MSRB3: variants seen among roughly 807,000 people sequenced by gnomAD.
MSRB3 encodes the protein methionine-R-sulfoxide reductase B3.
Under a neutral mutation model 21.0 loss-of-function variants are expected in MSRB3, and 13 were observed. That is an observed-to-expected ratio of 0.62 (90% CI 0.40 to 0.98). The LOEUF (loss-of-function observed/expected upper bound fraction) is 0.98, where lower values mean the gene tolerates loss of function less well. MSRB3 is among the 50% of genes least tolerant of loss of function. MSRB3 has a pLI of 0.00. For synonymous variants in MSRB3, 87 were observed against 88.6 expected (o/e 0.98, Z 0.10); for missense variants, 199 against 230.3 (o/e 0.86, Z 0.88).
intron 2 of MSRB3, among the ~76,000 whole-genome samples, chr12:65,311,420 CATATTTT>C (rs1470198795): frequency 2.6e-5 from 4 of 152,088 alleles, no homozygotes; most frequent in African/African-American, 7.2e-5. Context: ...TGGGTGTCTA[CATATTTT>C]ATAACTTGGA....
chr12:65,308,947 T>G (rs891895515), intron 2 of MSRB3: 6 of 447,540 alleles, frequency 1.3e-5, no homozygotes, highest in African/African-American at 1.2e-4. Context: ...AATCATAACG[T>G]TCATAAGAGG....
At chr12:65,453,144 GA>G (rs1366979923) in intron 5 of MSRB3, among the ~76,000 whole-genome samples, 1 of 152,186 alleles carries the variant, frequency 6.6e-6, no homozygotes, top group Non-Finnish European at 1.5e-5. Flanking sequence ...CTTATGAAGT[GA>G]ACAAGCTTCT....
Position 65,371,573 on chromosome 12 carries a change from A to ATGTGTGTGTG in MSRB3, c.292+2563_292+2572dup, listed in dbSNP as rs149808439. Among the ~76,000 whole-genome samples, 288 of 147,870 alleles carry ATGTGTGTGTG rather than the reference A, an allele frequency of 1.9e-3. 1 individual carries two copies. The highest frequency in any genetic ancestry group is 6.8e-3 in the African/African-American group (275 of 40,498). On this transcript the variant is annotated intron_variant, in intron 5 of 6. Transcript: ENST00000308259. ...GGAAAGGATTTCAAAGTTAAATTTTATGTGTGTGTGTGTGTGTGTGTGTGT... is the reference window on the plus strand; with the variant it reads ...GGAAAGGATTTCAAAGTTAAATTTTATGTGTGTGTGTGTGTGTGTGTGTGTGTGTGTGTGT...
chr12:65,385,959 A>C (rs930505101), intron 5 of MSRB3, among the ~76,000 whole-genome samples: 2 of 151,960 alleles, frequency 1.3e-5, no homozygotes, highest in Non-Finnish European at 2.9e-5. Flanking sequence ...ATTGGGAATT[A>C]ATTAATATCT....
intron 2 of MSRB3, among the ~76,000 whole-genome samples, chr12:65,315,692 AAC>A (rs1212804834): frequency 0.016 from 2,387 of 148,776 alleles, 41 homozygotes; most frequent in East Asian, 0.059. Flanking sequence ...AAAAAAAAAA[AAC>A]CCATGAAATG....
chr12:65,318,115 C>T (rs1016599342), intron 2 of MSRB3, among the ~76,000 whole-genome samples: 2 of 151,916 alleles, frequency 1.3e-5, no homozygotes, highest in African/African-American at 4.8e-5. Context: ...TCCAGAACTC[C>T]TCAGATTTTT....
At chr12:65,424,892 T>C (rs1881497737) in intron 5 of MSRB3, among the ~76,000 whole-genome samples, 1 of 142,736 alleles carries the variant, frequency 7.0e-6, no homozygotes, top group South Asian at 2.2e-4. Context: ...ATCTGTCCAC[T>C]ATTGAAAGTG....
chr12:65,337,371 T>A (rs1318496739), intron 4 of MSRB3, among the ~76,000 whole-genome samples: 1 of 127,908 alleles, frequency 7.8e-6, no homozygotes, highest in East Asian at 2.3e-4. Flanking sequence ...GAGATAGAGA[T>A]GGCAGCGAGC....
At chr12:65,460,826 C>A (rs1337056624) in intron 6 of MSRB3, among the ~76,000 whole-genome samples, 1 of 150,104 alleles carries the variant, frequency 6.7e-6, no homozygotes, top group Non-Finnish European at 1.5e-5. Flanking sequence ...ACCAGATTAG[C>A]AAATGAAACT....
At chr12:65,281,281 A>G (rs1340938863) in intron 1 of MSRB3, among the ~76,000 whole-genome samples, 1 of 152,166 alleles carries the variant, frequency 6.6e-6, no homozygotes, top group Non-Finnish European at 1.5e-5. Context: ...GATTTGGTTG[A>G]TGAATTTGAT....
At chr12:65,443,548 G>A (rs1410475518) in intron 5 of MSRB3, among the ~76,000 whole-genome samples, 8 of 152,034 alleles carry the variant, frequency 5.3e-5, no homozygotes, top group South Asian at 2.1e-4. Context: ...TTGTGTGTGC[G>A]TGCTTAAACA....
chr12:65,344,506 T>C (rs917564584), intron 4 of MSRB3, among the ~76,000 whole-genome samples: 1 of 152,048 alleles, frequency 6.6e-6, no homozygotes, highest in African/African-American at 2.4e-5. Context: ...TGGTTCAATA[T>C]GAGACCCTCA....
At chr12:65,416,306 C>T (rs1163819593) in intron 5 of MSRB3, among the ~76,000 whole-genome samples, 1 of 152,144 alleles carries the variant, frequency 6.6e-6, no homozygotes, top group African/African-American at 2.4e-5. Context: ...GAAGACTTAC[C>T]CTGGTTGTGA....
At chr12:65,394,547 T>C (rs570948084) in intron 5 of MSRB3, among the ~76,000 whole-genome samples, 1 of 152,182 alleles carries the variant, frequency 6.6e-6, no homozygotes, top group African/African-American at 2.4e-5. Context: ...TATTCACAAC[T>C]CTTCCAAAAA....
At chr12:65,362,252 G>A (rs138170941) in intron 4 of MSRB3, among the ~76,000 whole-genome samples, 44 of 152,250 alleles carry the variant, frequency 2.9e-4, no homozygotes, top group African/African-American at 9.9e-4. Flanking sequence ...TCCTTATGTG[G>A]TATTTTCAAA....
At chr12:65,336,865 G>A (rs1875792793) in intron 4 of MSRB3, among the ~76,000 whole-genome samples, 1 of 152,180 alleles carries the variant, frequency 6.6e-6, no homozygotes, top group Non-Finnish European at 1.5e-5. Context: ...TGTTTTACAC[G>A]TGGATAAAGA....
intron 6 of MSRB3, among the ~76,000 whole-genome samples, chr12:65,460,827 A>C (rs1883297000): frequency 6.6e-6 from 1 of 151,724 alleles, no homozygotes; most frequent in Non-Finnish European, 1.5e-5. Flanking sequence ...CCAGATTAGC[A>C]AATGAAACTA....
intron 5 of MSRB3, among the ~76,000 whole-genome samples, chr12:65,400,167 A>C (rs1258225414): frequency 6.6e-6 from 1 of 151,622 alleles, no homozygotes; most frequent in Non-Finnish European, 1.5e-5. Flanking sequence ...GAATAGTTTC[A>C]GAAGGAATGG....
At chr12:65,420,106 A>G in intron 5 of MSRB3, 1 of 430,310 alleles carries the variant, frequency 2.3e-6, no homozygotes, top group Non-Finnish European at 4.5e-6. Flanking sequence ...ATGAGGCTCT[A>G]ATTTTATTCT....
Sources: allele counts gnomAD v4.1 joint callset (sites outside exome capture counted in the v4.1 genomes callset), GRCh38; gene constraint gnomAD v4.1.1; transcripts MANE v1.5; gene names NCBI Gene and HGNC (gene_info 2026-07-23, HGNC 2026-07-21).